GRK3: variants seen among roughly 807,000 people sequenced by gnomAD.
GRK3 encodes the protein adrenergic, beta, receptor kinase 2.
In GRK3, 54 loss-of-function variants were observed where a neutral mutation model predicts 95.7. The observed-to-expected ratio is 0.56, with a 90% CI of 0.45 to 0.71. GRK3 has a LOEUF of 0.71. GRK3 is among the 30% of genes least tolerant of loss of function. The probability of loss-of-function intolerance (pLI) is 0.00; values close to 1 mark genes in which losing one functional copy is unlikely to be tolerated. For missense variants in GRK3, 649 were observed against 851.2 expected, an observed-to-expected ratio of 0.76 and a Z score of 2.96; for synonymous variants, 281 against 290.8, an observed-to-expected ratio of 0.97 and a Z score of 0.34.
intron 13 of GRK3, among the ~76,000 whole-genome samples, chr22:25,695,919 C>T (rs935544936): frequency 1.3e-5 from 2 of 151,642 alleles, no homozygotes; most frequent in African/African-American, 2.4e-5. Context: ...CTGCAAGCTC[C>T]GCCTCCCGGG....
chr22:25,717,295 A>G (rs556357729), intron 18 of GRK3, among the ~76,000 whole-genome samples: 5 of 152,264 alleles, frequency 3.3e-5, no homozygotes, highest in Admixed American at 3.3e-4. Flanking sequence ...CTGTGCTCGT[A>G]TTTTAAACAG....
At chr22:25,595,355 C>T (rs1028949703) in intron 1 of GRK3, among the ~76,000 whole-genome samples, 5 of 152,102 alleles carry the variant, frequency 3.3e-5, no homozygotes, top group African/African-American at 1.2e-4. Context: ...TTTCTATACA[C>T]CAATAACGTT....
At chr22:25,709,779 C>A in intron 15 of GRK3, 119 bp from the exon 16 acceptor site, 1 of 722,690 alleles carries the variant, frequency 1.4e-6, no homozygotes, top group Non-Finnish European at 2.4e-6. Context: ...TGTTTGCTTT[C>A]TTAAAGGAAA....
intron 1 of GRK3, among the ~76,000 whole-genome samples, chr22:25,566,055 A>G (rs866345748): frequency 5.9e-5 from 9 of 152,178 alleles, no homozygotes; most frequent in Admixed American, 5.2e-4. Flanking sequence ...TATCATTAGC[A>G]CTTCCCCAGA....
chr22:25,632,878 G>T (rs1204581138), intron 2 of GRK3, among the ~76,000 whole-genome samples: 1 of 151,956 alleles, frequency 6.6e-6, no homozygotes, highest in Non-Finnish European at 1.5e-5. Flanking sequence ...ACAGCATACT[G>T]CCTGGATTAC....
At chr22:25,589,079 T>C (rs566298788) in intron 1 of GRK3, among the ~76,000 whole-genome samples, 2 of 152,350 alleles carry the variant, frequency 1.3e-5, no homozygotes, top group Admixed American at 6.5e-5. Context: ...GCTTATAGTT[T>C]AGAAAACACT....
chr22:25,569,965 G>C (rs924841503), intron 1 of GRK3, among the ~76,000 whole-genome samples: 1 of 152,194 alleles, frequency 6.6e-6, no homozygotes, highest in Admixed American at 6.5e-5. Context: ...CCCAGGTTTC[G>C]CCCAGCTCGG....
intron 4 of GRK3, among the ~76,000 whole-genome samples, chr22:25,663,147 T>A (rs768963555): frequency 6.6e-6 from 1 of 152,148 alleles, no homozygotes; most frequent in Non-Finnish European, 1.5e-5. Flanking sequence ...TCCAGAGTAG[T>A]TAGGACTACA....
intron 2 of GRK3, among the ~76,000 whole-genome samples, chr22:25,638,039 G>A (rs2084715564): frequency 6.6e-6 from 1 of 152,210 alleles, no homozygotes; most frequent in African/African-American, 2.4e-5. Flanking sequence ...CACTCTCCAA[G>A]ATGAAATTAA....
chr22:25,687,733 C>G, intron 11 of GRK3, 66 bp downstream of exon 11: 1 of 1,567,620 alleles, frequency 6.4e-7, no homozygotes, highest in Non-Finnish European at 8.7e-7. Context: ...TAGAAGTCCC[C>G]TTCTATTTCA....
rs149862415 is a variant in GRK3, at chr22:25,716,573, C to CA, written c.1655-1671dup. ...ATAAGTAGGTCTTGGCTGACAATCT[C>CA]AGAGGTCACCTTTATAGAAAAATAT... On this transcript the variant is annotated intron_variant, in intron 18 of 20. Coordinates refer to ENST00000324198, the MANE Select transcript of GRK3 (RefSeq NM_005160.4). Among the ~76,000 whole-genome samples the CA allele has an allele frequency of 4.1e-3, 630 of 152,036 alleles. 4 individuals carry two copies. The highest frequency in any genetic ancestry group is 0.014 in the African/African-American group (574 of 41,444).
intron 13 of GRK3, among the ~76,000 whole-genome samples, chr22:25,701,185 G>C (rs556802761): frequency 6.6e-6 from 1 of 152,332 alleles, no homozygotes; most frequent in South Asian, 2.1e-4. Context: ...CTTGTAAGCT[G>C]TTGACAGGCC....
chr22:25,698,419 T>C (rs541306459), intron 13 of GRK3, among the ~76,000 whole-genome samples: 1 of 152,280 alleles, frequency 6.6e-6, no homozygotes, highest in East Asian at 1.9e-4. Flanking sequence ...ACAGTAGCGA[T>C]GTGCTGCGAG....
intron 1 of GRK3, among the ~76,000 whole-genome samples, chr22:25,591,107 T>TTC (rs1198706743): frequency 6.6e-6 from 1 of 152,200 alleles, no homozygotes; most frequent in African/African-American, 2.4e-5. Context: ...TCTCCCATAC[T>TTC]TCTGCCTGGC....
intron 1 of GRK3, among the ~76,000 whole-genome samples, chr22:25,568,135 C>T (rs1409450680): frequency 1.3e-5 from 2 of 152,160 alleles, no homozygotes; most frequent in South Asian, 2.1e-4. Flanking sequence ...CTTGCAGGCC[C>T]AGTTAAAACA....
chr22:25,652,778 T>A (rs937476535), intron 3 of GRK3, among the ~76,000 whole-genome samples: 11 of 152,220 alleles, frequency 7.2e-5, no homozygotes, highest in African/African-American at 2.7e-4. Flanking sequence ...ATATTTTTAC[T>A]GTACCTTTTC....
chr22:25,682,077 T>C (rs1312196231), intron 9 of GRK3, among the ~76,000 whole-genome samples: 2 of 152,208 alleles, frequency 1.3e-5, no homozygotes, highest in Non-Finnish European at 2.9e-5. Flanking sequence ...CACCTGCGTG[T>C]TTATTTTACA....
Position 25,721,385 on chromosome 22 carries a change from C to A in GRK3, c.1893C>A (p.Val631=). 2 of 1,573,416 alleles carry A rather than the reference C, an allele frequency of 1.3e-6. No individual in the cohort carries two copies. Among genetic ancestry groups the A allele is most frequent in the South Asian group, 2.3e-5 (2 of 86,368 alleles). The part of the protein sequence containing the change: ...LFRIKGGKQF[V]LQCESDPEFV... ...GAATAAAAGGAGGGAAACAATTTGT[C>A]TTGCAATGTGAGGTGAGTTTTTATT... Residue 631 remains valine (V), a synonymous_variant, in exon 20 of 21, where the codon GTC becomes GTA. Coordinates refer to ENST00000324198, the MANE Select transcript of GRK3 (RefSeq NM_005160.4).
chr22:25,610,362 G>T (rs1278206512), intron 2 of GRK3, among the ~76,000 whole-genome samples: 2 of 152,148 alleles, frequency 1.3e-5, no homozygotes, highest in African/African-American at 4.8e-5. Flanking sequence ...AGCTACTCAG[G>T]AGGCTGAGGT....
Sources: allele counts gnomAD v4.1 joint callset (sites outside exome capture counted in the v4.1 genomes callset), GRCh38; gene constraint gnomAD v4.1.1; transcripts MANE v1.5; gene names NCBI Gene and HGNC (gene_info 2026-07-23, HGNC 2026-07-21).